P4HA3: variants seen among roughly 807,000 people sequenced by gnomAD.
P4HA3 encodes the protein prolyl 4-hydroxylase subunit alpha 3, also known as prolyl 4-hydroxylase subunit alpha-3.
P4HA3 carries 60 observed loss-of-function variants against 66.7 expected under a neutral mutation model. That is an observed-to-expected ratio of 0.90 (90% CI 0.73 to 1.12). P4HA3 has a LOEUF of 1.12. Ranked by LOEUF, P4HA3 falls within the 50% of genes most tolerant of loss-of-function variation. The pLI, the probability that P4HA3 is intolerant of heterozygous loss-of-function variation, is 0.00. For missense variants in P4HA3, 683 were observed against 685.8 expected (o/e 1.00, Z 0.05); for synonymous variants, 263 against 274.6 (o/e 0.96, Z 0.42).
intron 15 of P4HA3, among the ~76,000 whole-genome samples, chr11:74,257,669 C>A (rs1246919584): frequency 6.6e-6 from 1 of 152,092 alleles, no homozygotes; most frequent in Non-Finnish European, 1.5e-5. Context: ...ATAGGCATGA[C>A]CCCATATAAA....
chr11:74,284,742 T>C (rs146081901), intron 7 of P4HA3, among the ~76,000 whole-genome samples: 7 of 152,206 alleles, frequency 4.6e-5, no homozygotes, highest in African/African-American at 1.4e-4. Flanking sequence ...CTGATGCCTG[T>C]CTGGTTTGTG....
intron 4 of P4HA3, among the ~76,000 whole-genome samples, chr11:74,297,222 G>A (rs1591128629): frequency 6.6e-6 from 1 of 152,246 alleles, no homozygotes; most frequent in African/African-American, 2.4e-5. Flanking sequence ...CCAAAGTGCT[G>A]GGATTACAGG....
rs987444386 is a variant in P4HA3 at position 74,267,435 on chromosome 11, A to G, written c.1565-117T>C. 3.8e-5 allele frequency: 49 copies of G among 1,304,104 alleles called. No individual in the cohort carries two copies. The African/African-American group carries it at 6.8e-4, about 18-fold the overall frequency. 80.8% of individuals were successfully genotyped at this position (1,304,104 alleles called of 1,614,324 possible). ...AGTGCCCCCTTAAATTCTGCATCCT[A>G]GGTAACTCACTTGCCCAGCCTAGTC... On this transcript the variant is annotated intron_variant, in intron 12 of 12. Transcript: ENST00000331597.
intron 4 of P4HA3, among the ~76,000 whole-genome samples, chr11:74,297,249 C>T (rs1008535051): frequency 1.1e-4 from 17 of 152,210 alleles, no homozygotes; most frequent in African/African-American, 2.6e-4. Flanking sequence ...CCACCACATC[C>T]GGCCAACACA....
At chr11:74,255,449 G>A (rs1445752952) in intron 15 of P4HA3, among the ~76,000 whole-genome samples, 1 of 152,056 alleles carries the variant, frequency 6.6e-6, no homozygotes, top group East Asian at 1.9e-4. Context: ...CAGGCTCTGG[G>A]GCCAGAGTGT....
chr11:74,272,261 T>C (rs966471870), intron 10 of P4HA3, among the ~76,000 whole-genome samples: 2 of 151,698 alleles, frequency 1.3e-5, no homozygotes, highest in Non-Finnish European at 1.5e-5. Context: ...CCATTTAAAA[T>C]TACTGGGCTC....
At chr11:74,280,430 G>C (rs932676431) in intron 7 of P4HA3, among the ~76,000 whole-genome samples, 2 of 152,178 alleles carry the variant, frequency 1.3e-5, no homozygotes, top group African/African-American at 2.4e-5. Flanking sequence ...AAAGTGCTGG[G>C]ATTACAGGAA....
At chr11:74,288,894 A>T (rs1220130401) in intron 5 of P4HA3, among the ~76,000 whole-genome samples, 185 bp downstream of exon 5, 1 of 148,184 alleles carries the variant, frequency 6.7e-6, no homozygotes, top group African/African-American at 2.5e-5. Context: ...GGTTGCAGTG[A>T]GCAGAGATCG....
In P4HA3 at chr11:74,285,813, G is replaced by A. The variant is rs1860773210; in HGVS notation, c.1106C>T (p.Pro369Leu). ...GCGGGTTCTCAGGACACTCACCCAT[G>A]GTTCTGCAAGTTCTCTAATTTTCTG... ...EAQKIRELAE[P>L]WLQRSVVASG... Residue 369 changes from proline to leucine, a missense_variant, in exon 7 of 13, where the codon CCA becomes CTA. Transcript: ENST00000331597. 6.2e-7 allele frequency: 1 copy of A among 1,613,466 alleles called. No homozygotes were observed. The highest frequency in any genetic ancestry group is 1.3e-5 in the African/African-American group (1 of 74,894).
At chr11:74,297,640 A>G (rs1189549885) in intron 4 of P4HA3, among the ~76,000 whole-genome samples, 1 of 152,212 alleles carries the variant, frequency 6.6e-6, no homozygotes, top group Non-Finnish European at 1.5e-5. Flanking sequence ...GAGTAAGTAG[A>G]TCAACAGTGC....
chr11:74,275,847 C>T (rs1330328729), intron 9 of P4HA3, among the ~76,000 whole-genome samples: 3 of 152,168 alleles, frequency 2.0e-5, no homozygotes, highest in Non-Finnish European at 4.4e-5. Flanking sequence ...AAAACACCTG[C>T]ACCCAGATAT....
At position 74,269,963 on chromosome 11, in the gene P4HA3, A is replaced by G. The variant is rs115939672; in HGVS notation, c.1399-243T>C. On this transcript the variant is annotated intron_variant, in intron 10 of 12. Transcript: ENST00000331597. ...TTCTTCCTTTCTTTCCCTTCCAGCTAACATCCTTATTGAGGGCTACAATAA... is the reference window on the plus strand; with the variant it reads ...TTCTTCCTTTCTTTCCCTTCCAGCTGACATCCTTATTGAGGGCTACAATAA... 4.5e-3 allele frequency among the ~76,000 whole-genome samples: 691 copies of G among 152,292 alleles called. 6 individuals are homozygous for G. Among genetic ancestry groups the G allele is most frequent in the African/African-American group, 0.016 (655 of 41,552 alleles).
chr11:74,282,321 A>T (rs1860635383), intron 7 of P4HA3, among the ~76,000 whole-genome samples: 4 of 152,176 alleles, frequency 2.6e-5, no homozygotes. Context: ...GTTAATCCAG[A>T]CAATGTCCCT....
intron 15 of P4HA3, chr11:74,253,895 G>A: frequency 3.0e-6 from 1 of 330,932 alleles, no homozygotes; most frequent in Non-Finnish European, 5.6e-6. Flanking sequence ...CATTCCTTGA[G>A]ATTGTCTTGG....
intron 15 of P4HA3, chr11:74,251,160 C>G: frequency 6.8e-7 from 1 of 1,472,474 alleles, no homozygotes; most frequent in Admixed American, 2.3e-5. Flanking sequence ...CACCAGCTCT[C>G]CAACTTCTCC....
chr11:74,310,997 C>A (rs746272061), intron 1 of P4HA3, among the ~76,000 whole-genome samples: 16 of 152,202 alleles, frequency 1.1e-4, no homozygotes, highest in Non-Finnish European at 1.9e-4. Flanking sequence ...GTCAGTGTGA[C>A]ACAGGGCCTG....
In P4HA3 at chr11:74,289,122, AT is replaced by A; in HGVS notation, c.725del (p.Asn242MetfsTer27). 2 of 1,582,774 alleles carry A rather than the reference AT, an allele frequency of 1.3e-6. No homozygotes were observed. Among genetic ancestry groups the A allele is most frequent in the South Asian group, 1.2e-5 (1 of 85,562 alleles). On this transcript the variant is annotated frameshift_variant, in exon 5 of 13. Transcript: ENST00000331597. LOFTEE classifies it high-confidence loss of function. ...HLAFAYFRAG[N>X]VSCALSLSRE... The stretch of plus-strand genomic sequence containing the variant: ...GAGAGAGGCTGAGGGCACACGAAAC[AT>A]TTCCTGCCTGTTAAAAAAAAAAAAA...
intron 10 of P4HA3, 134 bp from the exon 11 acceptor site, chr11:74,269,854 C>T: frequency 1.1e-6 from 1 of 946,436 alleles, no homozygotes; most frequent in Non-Finnish European, 1.6e-6. Flanking sequence ...GAAAGACAAT[C>T]ATCCAACTCA....
chr11:74,301,637 T>C (rs139987361), intron 3 of P4HA3, among the ~76,000 whole-genome samples: 2,491 of 152,292 alleles, frequency 0.016, 48 homozygotes, highest in Non-Finnish European at 0.024. Flanking sequence ...ATCTTCAAAG[T>C]TAAAATGGAT....
Sources: gnomAD v4.1 joint callset for allele counts (sites outside exome capture counted in the v4.1 genomes callset) on GRCh38, gnomAD v4.1.1 for gene constraint, MANE v1.5 for transcripts, NCBI Gene and HGNC (gene_info 2026-07-23, HGNC 2026-07-21) for gene names.